Variants in EPG5 observed in about 807,000 individuals in gnomAD.
EPG5 encodes ectopic P-granules 5 autophagy tethering factor, also known as ectopic P granules protein 5 homolog.
A neutral mutation model predicts 302.7 loss-of-function variants in EPG5; 159 were observed. That is an observed-to-expected ratio of 0.53 (90% CI 0.46 to 0.60). The LOEUF (loss-of-function observed/expected upper bound fraction) is 0.60. Among genes scored for constraint, EPG5 ranks in the 20% least tolerant of loss-of-function variants. The pLI, the probability that EPG5 is intolerant of heterozygous loss-of-function variation, is 0.00. For synonymous variants in EPG5, 1,158 were observed against 1,136.8 expected (o/e 1.02, Z -0.37); for missense variants, 2,896 against 3,092.4 (o/e 0.94, Z 1.51).
intron 31 of EPG5, among the ~76,000 whole-genome samples, chr18:45,880,632 C>T (rs975204008): frequency 1.3e-5 from 2 of 152,164 alleles, no homozygotes; most frequent in African/African-American, 4.8e-5. Flanking sequence ...AGGGCCTGGG[C>T]TCTCCAGAAG....
chr18:45,965,585 G>T (rs896606698), intron 1 of EPG5, among the ~76,000 whole-genome samples: 15 of 152,188 alleles, frequency 9.9e-5, no homozygotes, highest in Middle Eastern at 3.2e-3. Context: ...TCGGATTACA[G>T]TATCATGCTT....
At chr18:45,803,824 A>G in the EPG5 span, among the ~76,000 whole-genome samples, 1 of 152,248 alleles carries the variant, frequency 6.6e-6, no homozygotes, top group Non-Finnish European at 1.5e-5. Context: ...TGAAAAATTC[A>G]AAACTCTTTG....
chr18:45,877,020 G>T (rs1447362945), intron 34 of EPG5, among the ~76,000 whole-genome samples: 2 of 152,134 alleles, frequency 1.3e-5, no homozygotes, highest in Non-Finnish European at 2.9e-5. Flanking sequence ...CTGACCTCAA[G>T]TGATCCACCT....
intron 40 of EPG5, among the ~76,000 whole-genome samples, chr18:45,859,885 T>A (rs1297950194): frequency 6.6e-6 from 1 of 152,214 alleles, no homozygotes; most frequent in East Asian, 1.9e-4. Flanking sequence ...TCCCTTGAAA[T>A]GTGATTGTAC....
chr18:45,902,347 C>T (rs369283739), intron 25 of EPG5, among the ~76,000 whole-genome samples: 5 of 152,258 alleles, frequency 3.3e-5, no homozygotes, highest in African/African-American at 9.6e-5. Flanking sequence ...GTTAGGTATT[C>T]ACCACTGGAT....
chr18:45,923,998 G>A (rs1218961569), intron 14 of EPG5, among the ~76,000 whole-genome samples: 2 of 150,312 alleles, frequency 1.3e-5, no homozygotes, highest in Non-Finnish European at 2.9e-5. Context: ...CTGCACTCCA[G>A]CCTGGGTGAC....
At chr18:45,903,059 T>C (rs148368911) in intron 25 of EPG5, among the ~76,000 whole-genome samples, 1 of 152,288 alleles carries the variant, frequency 6.6e-6, no homozygotes, top group African/African-American at 2.4e-5. Flanking sequence ...AGAAACACTA[T>C]GAATGGAAGG....
chr18:45,882,001 AAAG>A (rs1232824680), intron 31 of EPG5, among the ~76,000 whole-genome samples: 4 of 152,232 alleles, frequency 2.6e-5, no homozygotes, highest in African/African-American at 9.6e-5. Context: ...AAGTCAAGAC[AAAG>A]AAGTACCTGC....
intron 38 of EPG5, 22 bp from the exon 39 acceptor site, chr18:45,865,781 A>C: frequency 6.3e-7 from 1 of 1,591,890 alleles, no homozygotes; most frequent in Non-Finnish European, 8.5e-7. Context: ...AAAAAAAAAA[A>C]ATCATTCAAA....
At chr18:45,944,925 A>G (rs528261850) in intron 7 of EPG5, among the ~76,000 whole-genome samples, 2 of 152,238 alleles carry the variant, frequency 1.3e-5, no homozygotes, top group Non-Finnish European at 2.9e-5. Context: ...CAGTATAAAA[A>G]TAACAGTGGT....
At chr18:45,923,446 C>T in intron 14 of EPG5, 59 bp from the exon 15 acceptor site, 1 of 1,562,816 alleles carries the variant, frequency 6.4e-7, no homozygotes, top group Non-Finnish European at 8.7e-7. Flanking sequence ...GTTTTTGTAC[C>T]TTTGAATCAA....
rs2048419444 is a variant in EPG5 at position 45,851,256 on chromosome 18, C to T, written c.*1211G>A. 2.0e-5 allele frequency: 3 copies of T among 152,156 alleles called. No homozygotes were observed. The highest frequency in any genetic ancestry group is 2.0e-4 in the Admixed American group (3 of 15,272). The allele number at this position is 152,156 out of a possible 1,614,324, so 9.4% of individuals were successfully genotyped here. A position where few individuals can be genotyped will look rare whatever the true frequency, so the allele number is the denominator to read the frequency against. On this transcript the variant is annotated 3_prime_UTR_variant, in exon 44 of 44. Transcript: ENST00000282041. ...ACAAAGACATATTAAGCCAGCTATG[C>T]AGGCAAAATCCATCTAGAGCTGATA...
Position 45,929,021 on chromosome 18 carries a change from GA to G in EPG5, c.2413-13del. On this transcript the variant is annotated splice_polypyrimidine_tract_variant and intron_variant, in intron 12 of 43. Coordinates refer to ENST00000282041, the MANE Select transcript of EPG5 (RefSeq NM_020964.3). ...GTGACATAAGATACCTAAATGGGGG[GA>G]AGGGGGAAGAAGATGGCACTTTTAA... 1 of 1,610,402 alleles carries G rather than the reference GA, an allele frequency of 6.2e-7. No homozygotes were observed. The highest frequency in any genetic ancestry group is 8.5e-7 in the Non-Finnish European group (1 of 1,178,292).
rs34212851 is a variant in EPG5 at position 45,911,078 on chromosome 18, TACACACACACAC to T, written c.3984-348_3984-337del. Reference sequence around the variant, plus strand: ...ATCTATCTATCTATCTATCTATCTATACACACACACACACACACACACACACACACACATATA... The same window carrying T: ...ATCTATCTATCTATCTATCTATCTATACACACACACACACACACACATATA... On this transcript the variant is annotated intron_variant, in intron 22 of 43. Transcript: ENST00000282041. Among the ~76,000 whole-genome samples, 11 of 135,328 alleles carry T rather than the reference TACACACACACAC, an allele frequency of 8.1e-5. 1 individual carries two copies. Among genetic ancestry groups the T allele is most frequent in the Non-Finnish European group, 1.3e-4 (8 of 63,998 alleles). The allele number at this position is 135,328 out of a possible 152,430, so 88.8% of individuals were successfully genotyped here.
chr18:45,854,720 G>C (rs924132146), intron 43 of EPG5, among the ~76,000 whole-genome samples: 1 of 152,128 alleles, frequency 6.6e-6, no homozygotes, highest in East Asian at 1.9e-4. Flanking sequence ...AATTAGCCAG[G>C]AGTGGCAATG....
At chr18:45,945,966 G>A (rs1478829669) in intron 7 of EPG5, among the ~76,000 whole-genome samples, 4 of 152,170 alleles carry the variant, frequency 2.6e-5, no homozygotes, top group African/African-American at 9.7e-5. Flanking sequence ...TTTTAAGAGA[G>A]GGATTATAAT....
At chr18:45,834,961 A>T in the EPG5 span, among the ~76,000 whole-genome samples, 1 of 152,206 alleles carries the variant, frequency 6.6e-6, no homozygotes, top group African/African-American at 2.4e-5. Context: ...TCCTTCAGAC[A>T]GGGTTTCTCA....
At chr18:45,842,167 G>A in the EPG5 span, 1 of 1,614,182 alleles carries the variant, frequency 6.2e-7, no homozygotes. Flanking sequence ...GAGCCCACCA[G>A]CCACCATGTG....
chr18:45,879,202 T>TA lies in EPG5; in HGVS notation c.5679dup (p.Ile1894TyrfsTer10), dbSNP rs1319961109. 1 of 1,609,298 alleles carries TA rather than the reference T, an allele frequency of 6.2e-7. No individual in the cohort carries two copies. Among genetic ancestry groups the TA allele is most frequent in the Non-Finnish European group, 8.5e-7 (1 of 1,178,754 alleles). ...TAAAAAAAGTCTGAAAGCCACTGTA[T>TA]AGTCTCCATTACCTGGAAGAGACAA... is the stretch of plus-strand genomic sequence containing the variant. On this transcript the variant is annotated frameshift_variant, in exon 33 of 44. Coordinates refer to ENST00000282041, the MANE Select transcript of EPG5 (RefSeq NM_020964.3). LOFTEE classifies it high-confidence loss of function.
Sources: allele counts gnomAD v4.1 joint callset (sites outside exome capture counted in the v4.1 genomes callset), GRCh38; gene constraint gnomAD v4.1.1; transcripts MANE v1.5; gene names NCBI Gene and HGNC (gene_info 2026-07-23, HGNC 2026-07-21).